Variants in CLOCK observed in about 807,000 individuals in gnomAD.
CLOCK encodes the protein clock circadian regulator, also known as circadian locomoter output cycles protein kaput.
CLOCK carries 43 observed loss-of-function variants against 118.4 expected under a neutral mutation model. The observed-to-expected ratio is 0.36, with a 90% CI of 0.28 to 0.47. The LOEUF (loss-of-function observed/expected upper bound fraction) is 0.47, where lower values mean the gene tolerates loss of function less well. Ranked by LOEUF, CLOCK falls within the 20% of genes least tolerant of loss-of-function variation. The pLI, the probability that CLOCK is intolerant of heterozygous loss-of-function variation, is 1.00. For synonymous variants in CLOCK, 326 were observed against 339.2 expected (o/e 0.96, Z 0.43); for missense variants, 846 against 999.9 (o/e 0.85, Z 2.08).
chr4:55,440,668 A>G (rs1021833381), intron 21 of CLOCK, among the ~76,000 whole-genome samples: 1 of 152,274 alleles, frequency 6.6e-6, no homozygotes, highest in Non-Finnish European at 1.5e-5. Context: ...ACTTAGTCAC[A>G]GAAGTACTAA....
rs140487884 is a variant in CLOCK at position 55,465,929 on chromosome 4, G to T, written c.439-2124C>A. 2.5e-3 allele frequency among the ~76,000 whole-genome samples: 378 copies of T among 150,682 alleles called. 3 individuals are homozygous for T. Among genetic ancestry groups the T allele is most frequent in the Non-Finnish European group, 2.8e-3 (187 of 67,888 alleles). ...ATCCTACCACTACACTCAAGCCTGG[G>T]TGACAGAATAAGACTCTGTCTCAAA... On this transcript the variant is annotated intron_variant, in intron 8 of 22. Coordinates refer to ENST00000513440, the MANE Select transcript of CLOCK (RefSeq NM_004898.4).
chr4:55,439,002 G>A (rs1205677259), intron 21 of CLOCK, among the ~76,000 whole-genome samples: 2 of 152,178 alleles, frequency 1.3e-5, no homozygotes, highest in African/African-American at 4.8e-5. Context: ...CAGATAAACA[G>A]ATAAACTGGA....
intron 3 of CLOCK, among the ~76,000 whole-genome samples, chr4:55,483,885 A>G (rs1431101544): frequency 6.6e-6 from 1 of 152,216 alleles, no homozygotes; most frequent in Non-Finnish European, 1.5e-5. Context: ...CACAAGCCTA[A>G]AATTTGTCTC....
At position 55,531,988 on chromosome 4, in the gene CLOCK, G is replaced by A. The variant is rs1000939513; in HGVS notation, c.-290+14794C>T. 9.1e-4 allele frequency among the ~76,000 whole-genome samples: 138 copies of A among 151,296 alleles called. 13 individuals are homozygous for A. The highest frequency in any genetic ancestry group is 5.9e-5 in the Non-Finnish European group (4 of 67,870). ...AGGATTATATACCATGACCAAGTGG[G>A]ATTTATACCAGAAATTCAAGGATGG... On this transcript the variant is annotated intron_variant, in intron 1 of 22. Coordinates refer to ENST00000513440, the MANE Select transcript of CLOCK (RefSeq NM_004898.4).
At position 55,443,719 on chromosome 4, in the gene CLOCK, G is replaced by GT; in HGVS notation, c.1869dup (p.Gln624ThrfsTer40). The GT allele has an allele frequency of 6.2e-7, 1 of 1,614,080 alleles. No individual in the cohort carries two copies. Among genetic ancestry groups the GT allele is most frequent in the Non-Finnish European group, 8.5e-7 (1 of 1,179,986 alleles). On this transcript the variant is annotated frameshift_variant, in exon 20 of 23. Coordinates refer to ENST00000513440, the MANE Select transcript of CLOCK (RefSeq NM_004898.4). LOFTEE classifies it high-confidence loss of function. The stretch of plus-strand genomic sequence containing the variant: ...GATGTACTCTGTAAAGTCTGTTGTT[G>GT]TATCATGTGCTGAGTTGTGCCAATG...
intron 11 of CLOCK, 54 bp downstream of exon 11, chr4:55,458,838 A>T (rs748984714): frequency 7.9e-6 from 10 of 1,258,432 alleles, no homozygotes; most frequent in African/African-American, 1.5e-5. Context: ...AGTTTCAGGC[A>T]GCTCTCAGCA....
chr4:55,446,588 G>A (rs1034773090), intron 18 of CLOCK, among the ~76,000 whole-genome samples: 1 of 152,134 alleles, frequency 6.6e-6, no homozygotes, highest in Non-Finnish European at 1.5e-5. Context: ...GACTAGGCAA[G>A]TATGAATGAA....
intron 1 of CLOCK, among the ~76,000 whole-genome samples, chr4:55,540,007 ATT>A (rs57907284): frequency 0.72 from 98,340 of 135,758 alleles, 35,421 homozygotes; most frequent in East Asian, 0.89. Flanking sequence ...AATGATATTA[ATT>A]TTTTTTTTTT....
At position 55,430,842 on chromosome 4, in the gene CLOCK, T is replaced by C. The variant is rs904824077; in HGVS notation, c.*4573A>G. 2.6e-5 allele frequency: 4 copies of C among 152,182 alleles called. No homozygotes were observed. Among genetic ancestry groups the C allele is most frequent in the African/African-American group, 9.6e-5 (4 of 41,462 alleles). The allele number at this position is 152,182 out of a possible 1,614,324, so 9.4% of individuals were successfully genotyped here. ...TTGGTCTCTTTTGGTGTCCACACAATAGGCAAGATAGGTTTACAATAGTGT... is the reference window on the plus strand; with the variant it reads ...TTGGTCTCTTTTGGTGTCCACACAACAGGCAAGATAGGTTTACAATAGTGT... On this transcript the variant is annotated 3_prime_UTR_variant, in exon 23 of 23. Coordinates refer to ENST00000513440, the MANE Select transcript of CLOCK (RefSeq NM_004898.4).
At chr4:55,516,309 A>AT (rs1290139958) in intron 1 of CLOCK, among the ~76,000 whole-genome samples, 1 of 152,186 alleles carries the variant, frequency 6.6e-6, no homozygotes, top group Admixed American at 6.5e-5. Flanking sequence ...TAAAGTCTCC[A>AT]TTATAAGAGC....
chr4:55,534,595 A>G (rs1484628450), intron 1 of CLOCK, among the ~76,000 whole-genome samples: 1 of 152,204 alleles, frequency 6.6e-6, no homozygotes, highest in Non-Finnish European at 1.5e-5. Context: ...TCTAGCATAT[A>G]TTTAACTCAC....
rs554278217 is a variant in CLOCK at position 55,492,756 on chromosome 4, A to G, written c.-135-3291T>C. Among the ~76,000 whole-genome samples the G allele has an allele frequency of 4.5e-4, 68 of 152,260 alleles. 1 individual carries two copies. The South Asian group carries it at 0.014, about 31-fold the overall frequency. ...GTTACTCGGGAGGGTGAGGCAGGAG[A>G]ATCGCTTGAACCCAGGAAGCGGAGG... is the stretch of plus-strand genomic sequence containing the variant. On this transcript the variant is annotated intron_variant, in intron 2 of 22. Transcript: ENST00000513440.
intron 15 of CLOCK, among the ~76,000 whole-genome samples, chr4:55,451,651 T>A (rs910073983): frequency 6.6e-6 from 1 of 152,216 alleles, no homozygotes; most frequent in South Asian, 2.1e-4. Flanking sequence ...TTTACTAGGA[T>A]TGAATCTTTG....
At position 55,443,761 on chromosome 4, in the gene CLOCK, C is replaced by T. The variant is rs537613407; in HGVS notation, c.1828G>A (p.Gly610Arg). 18 of 1,614,034 alleles carry T rather than the reference C, an allele frequency of 1.1e-5. No individual in the cohort carries two copies. Among genetic ancestry groups the T allele is most frequent in the South Asian group, 1.1e-4 (10 of 91,080 alleles). ...QVVPTNQIQS[G>R]MNTGHIGTTQ... ...GTGCCAATGTGTCCAGTATTCATTC[C>T]ACTTTGAATCTGGTTAGTAGGAACA... Residue 610 changes from glycine (G) to arginine (R), a missense_variant, in exon 20 of 23, where the codon GGA (glycine) becomes AGA (arginine). Coordinates refer to ENST00000513440, the MANE Select transcript of CLOCK (RefSeq NM_004898.4).
At chr4:55,484,011 C>T (rs1218874184) in intron 3 of CLOCK, among the ~76,000 whole-genome samples, 3 of 152,038 alleles carry the variant, frequency 2.0e-5, no homozygotes, top group African/African-American at 4.8e-5. Flanking sequence ...AAATGCTCAA[C>T]GGAGCATTTC....
chr4:55,448,601 CGTGTGTGTGTGTGTGTGTGTGTGT>C (rs3034980), intron 18 of CLOCK, among the ~76,000 whole-genome samples, 154 bp downstream of exon 18: 4 of 117,038 alleles, frequency 3.4e-5, no homozygotes, highest in African/African-American at 1.2e-4. Context: ...CGCACGCGCG[CGTGTGTGTGTGTGTGTGTGTGTGT>C]GTGTGTGTGT....
chr4:55,542,169 C>T (rs971028747), intron 1 of CLOCK, among the ~76,000 whole-genome samples: 5 of 127,346 alleles, frequency 3.9e-5, no homozygotes, highest in Non-Finnish European at 6.9e-5. Flanking sequence ...GGAGAAACAC[C>T]GTTGTCTACT....
chr4:55,449,958 A>G, intron 16 of CLOCK, 133 bp downstream of exon 16: 2 of 1,108,710 alleles, frequency 1.8e-6, no homozygotes, highest in Middle Eastern at 2.9e-4. Context: ...AACTCACTGG[A>G]AAGGTTACTA....
At chr4:55,486,661 T>A (rs970358063) in intron 3 of CLOCK, 1 of 152,182 alleles carries the variant, frequency 6.6e-6, no homozygotes, top group Non-Finnish European at 1.5e-5. Context: ...TGGTTGAAAA[T>A]CACTTTTCCT....
Sources: gnomAD v4.1 joint callset for allele counts (sites outside exome capture counted in the v4.1 genomes callset) on GRCh38, gnomAD v4.1.1 for gene constraint, MANE v1.5 for transcripts, NCBI Gene and HGNC (gene_info 2026-07-23, HGNC 2026-07-21) for gene names.